Variants in SOCS5 observed in about 807,000 individuals in gnomAD.
SOCS5 encodes suppressor of cytokine signaling 5, also known as CIS-6.
In SOCS5, 32 loss-of-function variants were observed where a neutral mutation model predicts 42.8. That is an observed-to-expected ratio of 0.75 (90% CI 0.56 to 1.01). The LOEUF (loss-of-function observed/expected upper bound fraction) is 1.01. Among genes scored for constraint, SOCS5 ranks in the 50% least tolerant of loss-of-function variants. SOCS5 has a pLI of 0.00. For missense variants in SOCS5, 627 were observed against 653.0 expected, an observed-to-expected ratio of 0.96 and a Z score of 0.43; for synonymous variants, 283 against 229.6, an observed-to-expected ratio of 1.23 and a Z score of -2.10.
intron 1 of SOCS5, among the ~76,000 whole-genome samples, chr2:46,721,969 C>T (rs188715980): frequency 6.6e-6 from 1 of 151,550 alleles, no homozygotes; most frequent in South Asian, 2.1e-4. Flanking sequence ...AAAACAGGCA[C>T]ATTCCATATT....
At chr2:46,746,925 T>TC (rs1184085115) in intron 1 of SOCS5, among the ~76,000 whole-genome samples, 4 of 114,804 alleles carry the variant, frequency 3.5e-5, no homozygotes, top group East Asian at 2.0e-4. Flanking sequence ...TTTATTTCTT[T>TC]TTTTTTTTTT....
chr2:46,734,512 G>A (rs963124286), intron 1 of SOCS5, among the ~76,000 whole-genome samples: 1 of 152,180 alleles, frequency 6.6e-6, no homozygotes, highest in Non-Finnish European at 1.5e-5. Flanking sequence ...TTAATAGGCA[G>A]ATATTTGAAT....
At chr2:46,749,611 A>G (rs955332709) in intron 1 of SOCS5, among the ~76,000 whole-genome samples, 19 of 152,216 alleles carry the variant, frequency 1.2e-4, no homozygotes, top group African/African-American at 4.3e-4. Flanking sequence ...TACAGTATCT[A>G]TAGAGCAAAA....
Position 46,761,276 on chromosome 2 carries a change from C to A in SOCS5, c.*1135C>A, listed in dbSNP as rs1471612831. The A allele has an allele frequency of 6.0e-6, 1 of 166,984 alleles. No individual in the cohort carries two copies. The highest frequency in any genetic ancestry group is 2.4e-5 in the African/African-American group (1 of 41,426). The allele number at this position is 166,984 out of a possible 1,614,324, so 10.3% of individuals were successfully genotyped here. On this transcript the variant is annotated 3_prime_UTR_variant, in exon 2 of 2. Transcript: ENST00000394861. ...TAATATGTACTACTACTTGAGTGAG[C>A]GCTTTTGGAAGTTATATCAAGTTCT...
chr2:46,704,071 A>G (rs2103687243), intron 1 of SOCS5, among the ~76,000 whole-genome samples: 1 of 152,364 alleles, frequency 6.6e-6, no homozygotes, highest in Non-Finnish European at 1.5e-5. Context: ...TCACAGATTC[A>G]TATGCTGCTT....
intron 1 of SOCS5, among the ~76,000 whole-genome samples, chr2:46,741,122 C>T (rs76706801): frequency 0.042 from 6,401 of 152,184 alleles, 185 homozygotes; most frequent in Middle Eastern, 0.11. Context: ...CCTTCCTCAC[C>T]GTTGCTTCAT....
In SOCS5 at chr2:46,707,009, G is replaced by T. The variant is rs529910913; in HGVS notation, c.-13+7560G>T. On this transcript the variant is annotated intron_variant, in intron 1 of 1. Coordinates refer to ENST00000394861, the MANE Select transcript of SOCS5 (RefSeq NM_144949.3). ...AATGCTTTAAAAATTTTTAAATGCT[G>T]TACAAATGAGGATGGAGGAATACTG... is the stretch of plus-strand genomic sequence containing the variant. Among the ~76,000 whole-genome samples the T allele has an allele frequency of 7.7e-4, 117 of 152,304 alleles. 1 individual carries two copies. In the East Asian group the frequency reaches 0.021, roughly 28 times the overall value.
At position 46,742,212 on chromosome 2, in the gene SOCS5, T is replaced by A. The variant is rs901508881; in HGVS notation, c.-12-16307T>A. ...TATTCTAGAGATATCCTTTGCTGTT[T>A]TTTAATTGAGTTGTTGTGTTTTACC... On this transcript the variant is annotated intron_variant, in intron 1 of 1. Transcript: ENST00000394861. Among the ~76,000 whole-genome samples, 59 of 152,280 alleles carry A rather than the reference T, an allele frequency of 3.9e-4. 1 individual carries two copies. Among genetic ancestry groups the A allele is most frequent in the African/African-American group, 1.4e-3 (59 of 41,554 alleles).
chr2:46,728,041 G>T (rs78943868), intron 1 of SOCS5, among the ~76,000 whole-genome samples: 2,881 of 152,160 alleles, frequency 0.019, 76 homozygotes, highest in African/African-American at 0.061. Context: ...GTACCTGTGG[G>T]CGCCTAACTG....
At chr2:46,746,540 A>G (rs538581330) in intron 1 of SOCS5, among the ~76,000 whole-genome samples, 1 of 151,980 alleles carries the variant, frequency 6.6e-6, no homozygotes, top group Admixed American at 6.5e-5. Flanking sequence ...AGTCCCAGCT[A>G]CTCGGGAGGC....
At chr2:46,703,176 C>G (rs1672382929) in intron 1 of SOCS5, among the ~76,000 whole-genome samples, 1 of 152,136 alleles carries the variant, frequency 6.6e-6, no homozygotes, top group Non-Finnish European at 1.5e-5. Context: ...AAATTAGAAA[C>G]AAGCTATAGC....
intron 1 of SOCS5, among the ~76,000 whole-genome samples, chr2:46,712,037 T>G (rs1402136745): frequency 6.6e-6 from 1 of 152,222 alleles, no homozygotes; most frequent in Non-Finnish European, 1.5e-5. Context: ...TTTTCAAGAT[T>G]GTTTAGACTT....
chr2:46,710,118 A>G (rs1672583232), intron 1 of SOCS5, among the ~76,000 whole-genome samples: 1 of 152,020 alleles, frequency 6.6e-6, no homozygotes, highest in African/African-American at 2.4e-5. Flanking sequence ...ATAGAATTTC[A>G]GTTTTTGGTG....
At chr2:46,719,547 T>A (rs563634838) in intron 1 of SOCS5, among the ~76,000 whole-genome samples, 32 of 152,350 alleles carry the variant, frequency 2.1e-4, no homozygotes, top group African/African-American at 6.7e-4. Context: ...CAGGTGTGGA[T>A]GTCCTTATGT....
At chr2:46,700,773 T>A (rs1012851900) in intron 1 of SOCS5, among the ~76,000 whole-genome samples, 2 of 152,172 alleles carry the variant, frequency 1.3e-5, no homozygotes, top group African/African-American at 4.8e-5. Context: ...GCAGTGGTGG[T>A]CTCCAGAGTG....
In SOCS5 at chr2:46,751,659, TC is replaced by T. The variant is rs140508535; in HGVS notation, c.-12-6859del. ...TAAGAAAGTTTTCTATTTTATAACT[TC>T]ATGCTCTAGTGATCATCCATTTACT... On this transcript the variant is annotated intron_variant, in intron 1 of 1. Coordinates refer to ENST00000394861, the MANE Select transcript of SOCS5 (RefSeq NM_144949.3). Among the ~76,000 whole-genome samples the T allele has an allele frequency of 4.7e-3, 718 of 152,312 alleles. 4 individuals are homozygous for T. Among genetic ancestry groups the T allele is most frequent in the Non-Finnish European group, 7.3e-3 (499 of 68,024 alleles).
chr2:46,731,135 G>A (rs1286491629), intron 1 of SOCS5, among the ~76,000 whole-genome samples: 1 of 152,216 alleles, frequency 6.6e-6, no homozygotes, highest in East Asian at 1.9e-4. Context: ...TAGACTGAAT[G>A]TTCGTATTCC....
intron 1 of SOCS5, among the ~76,000 whole-genome samples, chr2:46,748,446 A>G (rs1010936259): frequency 6.6e-6 from 1 of 151,992 alleles, no homozygotes; most frequent in Non-Finnish European, 1.5e-5. Flanking sequence ...CTCAGCCTCC[A>G]AAAGTGTTGG....
rs1454886486 is a variant in SOCS5 at position 46,742,358 on chromosome 2, C to G, written c.-12-16161C>G. 1.5e-4 allele frequency among the ~76,000 whole-genome samples: 23 copies of G among 150,382 alleles called. No individual in the cohort carries two copies. The Admixed American group carries it at 1.5e-3, about 10-fold the overall frequency. ...TCCATACCCCCACCCCCACCCCCAC[C>G]TTCTTAGTAGCTGGTCTGTAGACGC... is the stretch of plus-strand genomic sequence containing the variant. On this transcript the variant is annotated intron_variant, in intron 1 of 1. Transcript: ENST00000394861.
Sources: allele counts gnomAD v4.1 joint callset (sites outside exome capture counted in the v4.1 genomes callset), GRCh38; gene constraint gnomAD v4.1.1; transcripts MANE v1.5; gene names NCBI Gene and HGNC (gene_info 2026-07-23, HGNC 2026-07-21).